The following MCC variants were observed in gnomAD, a reference collection of about 807,000 sequenced individuals.
MCC encodes MCC regulator of Wnt signaling pathway.
MCC carries 90 observed loss-of-function variants against 116.2 expected under a neutral mutation model. The observed-to-expected ratio is 0.77, with a 90% confidence interval of 0.65 to 0.92. The LOEUF is 0.92. MCC is among the 40% of genes least tolerant of loss of function. The pLI is 0.00. For missense variants in MCC, 1,516 were observed against 1,312.2 expected, an observed-to-expected ratio of 1.16 and a Z score of -2.40; for synonymous variants, 578 against 510.5, an observed-to-expected ratio of 1.13 and a Z score of -1.78.
intron 16 of MCC, among the ~76,000 whole-genome samples, chr5:113,047,835 GAA>G (rs5870525): frequency 2.8e-5 from 4 of 141,240 alleles, no homozygotes; most frequent in African/African-American, 5.3e-5. Flanking sequence ...TTGGATTCCA[GAA>G]AAAAAAAAAA....
At chr5:113,185,848 G>T (rs1356931391) in intron 3 of MCC, among the ~76,000 whole-genome samples, 1 of 152,118 alleles carries the variant, frequency 6.6e-6, no homozygotes, top group African/African-American at 2.4e-5. Context: ...CAATCTTAGG[G>T]TATAGTAACA....
At chr5:113,465,642 T>C (rs1771882037) in intron 1 of MCC, among the ~76,000 whole-genome samples, 1 of 152,096 alleles carries the variant, frequency 6.6e-6, no homozygotes, top group Admixed American at 6.5e-5. Flanking sequence ...ATCTCTAATA[T>C]ACGAAGACCT....
chr5:113,200,871 G>T (rs1762641598), intron 3 of MCC, among the ~76,000 whole-genome samples: 1 of 152,180 alleles, frequency 6.6e-6, no homozygotes, highest in Admixed American at 6.5e-5. Flanking sequence ...GCAAGGAAGG[G>T]ATTTCGTTAG....
intron 11 of MCC, among the ~76,000 whole-genome samples, chr5:113,073,734 A>C (rs1375729950): frequency 6.6e-6 from 1 of 151,934 alleles, no homozygotes; most frequent in African/African-American, 2.4e-5. Flanking sequence ...ACCCACCGAA[A>C]AATTAACCTT....
chr5:113,455,491 C>T (rs1386734344), intron 1 of MCC, among the ~76,000 whole-genome samples: 1 of 152,168 alleles, frequency 6.6e-6, no homozygotes, highest in Non-Finnish European at 1.5e-5. Context: ...AACAGCTTAT[C>T]TGATAGGCAT....
At chr5:113,483,265 C>G (rs1772426108) in intron 1 of MCC, among the ~76,000 whole-genome samples, 1 of 152,116 alleles carries the variant, frequency 6.6e-6, no homozygotes, top group Non-Finnish European at 1.5e-5. Flanking sequence ...TTTAAGTTTC[C>G]TCATGAATTT....
intron 8 of MCC, among the ~76,000 whole-genome samples, chr5:113,090,315 G>A (rs1264080180): frequency 2.6e-5 from 4 of 151,476 alleles, no homozygotes; most frequent in Non-Finnish European, 4.4e-5. Flanking sequence ...CATGAGGGGG[G>A]AATGTCAGAA....
intron 3 of MCC, among the ~76,000 whole-genome samples, chr5:113,328,705 G>C (rs986850029): frequency 2.6e-5 from 4 of 152,116 alleles, no homozygotes; most frequent in Non-Finnish European, 4.4e-5. Context: ...AAATTCACCA[G>C]GGGTTTTAAT....
At chr5:113,145,762 A>C (rs1299018231) in intron 4 of MCC, among the ~76,000 whole-genome samples, 3 of 94,820 alleles carry the variant, frequency 3.2e-5, no homozygotes, top group East Asian at 3.9e-4. Flanking sequence ...ACACACACAC[A>C]CACACACACA....
intron 5 of MCC, among the ~76,000 whole-genome samples, chr5:113,136,894 T>C (rs376603562): frequency 3.9e-5 from 6 of 152,198 alleles, no homozygotes; most frequent in Non-Finnish European, 8.8e-5. Flanking sequence ...CTGTTTTACG[T>C]TGGGTAACAG....
intron 2 of MCC, among the ~76,000 whole-genome samples, chr5:113,383,748 C>T (rs933468219): frequency 6.6e-6 from 1 of 151,992 alleles, no homozygotes. Flanking sequence ...ACATGCATTA[C>T]CAGACATCTG....
rs534680236 is a variant in MCC at position 113,333,445 on chromosome 5, T to C, written c.627+7074A>G. ...ATACACAGAGGAGCAAAACTTGCTA[T>C]GTCAGTTTTTTAATTCGCATGATTT... On this transcript the variant is annotated intron_variant, in intron 3 of 18. Coordinates refer to ENST00000408903, the MANE Select transcript of MCC (RefSeq NM_001085377.2). Among the ~76,000 whole-genome samples, 15 of 151,816 alleles carry C rather than the reference T, an allele frequency of 9.9e-5. No individual in the cohort carries two copies. The East Asian group carries it at 2.9e-3, about 29-fold the overall frequency.
intron 3 of MCC, among the ~76,000 whole-genome samples, chr5:113,241,911 T>G (rs111828779): frequency 6.6e-6 from 1 of 152,300 alleles, no homozygotes; most frequent in East Asian, 1.9e-4. Context: ...GCTATTCCCA[T>G]AGAGCTTCAA....
rs1436922792 is a variant in MCC, at chr5:113,023,956, C to G, written c.*3346G>C. 2 of 152,142 alleles carry G rather than the reference C, an allele frequency of 1.3e-5. No homozygotes were observed. The highest frequency in any genetic ancestry group is 1.5e-5 in the Non-Finnish European group (1 of 68,020). The allele number at this position is 152,142 out of a possible 1,614,324, so 9.4% of individuals were successfully genotyped here. ...ATCTTGATCGGGTAACTACGGTGCA[C>G]TTTTTTCTCATTTAAAATAATCTAA... On this transcript the variant is annotated 3_prime_UTR_variant, in exon 19 of 19. Coordinates refer to ENST00000408903, the MANE Select transcript of MCC (RefSeq NM_001085377.2).
chr5:113,152,378 T>C (rs1759935840), intron 3 of MCC, among the ~76,000 whole-genome samples: 1 of 152,196 alleles, frequency 6.6e-6, no homozygotes, highest in South Asian at 2.1e-4. Flanking sequence ...CTTTGAAACC[T>C]TGAAACTTTC....
chr5:113,029,162 C>T, intron 17 of MCC, 106 bp from the exon 18 acceptor site: 5 of 1,152,886 alleles, frequency 4.3e-6, no homozygotes, highest in Non-Finnish European at 6.0e-6. Context: ...GCTTGCAAAG[C>T]CTAAAGGCAA....
chr5:113,168,399 G>A (rs927854930), intron 3 of MCC, among the ~76,000 whole-genome samples: 12 of 152,162 alleles, frequency 7.9e-5, no homozygotes, highest in African/African-American at 2.7e-4. Flanking sequence ...ACTTTCTGAA[G>A]AAATATACTT....
intron 1 of MCC, among the ~76,000 whole-genome samples, chr5:113,469,364 G>A (rs1271894226): frequency 6.6e-6 from 1 of 152,108 alleles, no homozygotes; most frequent in Non-Finnish European, 1.5e-5. Context: ...ATGTGTCCCA[G>A]AGATTCTGGT....
intron 1 of MCC, among the ~76,000 whole-genome samples, chr5:113,449,590 G>C (rs1039060617): frequency 4.6e-5 from 7 of 152,186 alleles, no homozygotes; most frequent in African/African-American, 1.2e-4. Context: ...GGGATTGAGA[G>C]TCAGCTTATT....
Sources: gnomAD v4.1 joint callset for allele counts (sites outside exome capture counted in the v4.1 genomes callset) on GRCh38, gnomAD v4.1.1 for gene constraint, MANE v1.5 for transcripts, NCBI Gene and HGNC (gene_info 2026-07-23, HGNC 2026-07-21) for gene names.